Variants in CFAP97 observed in about 807,000 individuals in gnomAD.
CFAP97 encodes the protein cilia and flagella associated protein 97, also known as cilia- and flagella-associated protein 97.
CFAP97 carries 36 observed loss-of-function variants against 43.1 expected under a neutral mutation model. The observed-to-expected ratio is 0.84, with a 90% CI of 0.64 to 1.10. The LOEUF (loss-of-function observed/expected upper bound fraction) is 1.10, where lower values mean the gene tolerates loss of function less well. Among genes scored for constraint, CFAP97 ranks in the 50% least tolerant of loss-of-function variants. The pLI is 0.00. For missense variants in CFAP97, 657 were observed against 620.3 expected (o/e 1.06, Z -0.63); for synonymous variants, 228 against 225.7 (o/e 1.01, Z -0.09).
rs1171860464 is a variant in CFAP97 at position 185,190,509 on chromosome 4, T to C, written c.688A>G (p.Thr230Ala). 1 of 1,613,838 alleles carries C rather than the reference T, an allele frequency of 6.2e-7. No homozygotes were observed. Among genetic ancestry groups the C allele is most frequent in the African/African-American group, 1.3e-5 (1 of 74,924 alleles). Residue 230 changes from threonine to alanine, a missense_variant, in exon 2 of 5, where the codon ACA becomes GCA. Coordinates refer to ENST00000458385, the MANE Select transcript of CFAP97 (RefSeq NM_020827.3). ...KHKYKSGIKS[T>A]ETQPSSTTPK... Reference sequence around the variant, plus strand: ...GTAGTACTTGAAGGCTGTGTTTCTGTCGATTTTATTCCTGATTTATACTTG... The same window carrying C: ...GTAGTACTTGAAGGCTGTGTTTCTGCCGATTTTATTCCTGATTTATACTTG...
chr4:185,198,730 A>C (rs540920007), intron 1 of CFAP97, among the ~76,000 whole-genome samples: 2 of 145,204 alleles, frequency 1.4e-5, no homozygotes, highest in Non-Finnish European at 3.0e-5. Context: ...TGGAGGTTGC[A>C]GTAAGCCGAG....
At chr4:185,178,006 G>A (rs1344201521) in intron 2 of CFAP97, among the ~76,000 whole-genome samples, 1 of 151,950 alleles carries the variant, frequency 6.6e-6, no homozygotes, top group African/African-American at 2.4e-5. Context: ...TGGCTTCCTG[G>A]TAGGAAAATG....
chr4:185,209,719 C>G (rs1428409296), upstream of CFAP97: 2 of 983,922 alleles, frequency 2.0e-6, no homozygotes, highest in Non-Finnish European at 2.4e-6. The surrounding 1 kb of genome is among the most constrained non-coding windows in gnomAD (Gnocchi z 5.2). Context: ...GCCGCTCCCT[C>G]GGTGGGCCGC....
chr4:185,176,122 T>TTTTC, intron 2 of CFAP97, 71 bp from the exon 3 acceptor site: 3 of 1,227,852 alleles, frequency 2.4e-6, no homozygotes, highest in East Asian at 2.6e-5. Context: ...TTTTTTTTTT[T>TTTTC]CTCTTTTTAG....
At chr4:185,190,098 T>C (rs769007342) in intron 2 of CFAP97, 45 bp downstream of exon 2, 11 of 1,392,486 alleles carry the variant, frequency 7.9e-6, no homozygotes, top group Non-Finnish European at 9.7e-6. Context: ...TTATGCCCAA[T>C]ATATAATATT....
At position 185,170,231 on chromosome 4, in the gene CFAP97, A is replaced by G. The variant is rs1281059495; in HGVS notation, c.1320+5555T>C. The G allele has an allele frequency of 4.7e-6, 3 of 639,890 alleles. No homozygotes were observed. In the South Asian group the frequency reaches 5.3e-5, roughly 11 times the overall value. 39.6% of individuals were successfully genotyped at this position (639,890 alleles called of 1,614,324 possible). Reference sequence around the variant, plus strand: ...TGTGGTGGTGTAAGCCTGTAGTTCCAGTTACTTGGGAGGCCGAGGCAGGAG... The same window carrying G: ...TGTGGTGGTGTAAGCCTGTAGTTCCGGTTACTTGGGAGGCCGAGGCAGGAG... On this transcript the variant is annotated intron_variant, in intron 3 of 4. Transcript: ENST00000458385.
At chr4:185,205,940 A>G (rs1162825096), upstream of CFAP97, among the ~76,000 whole-genome samples, 2 of 152,230 alleles carry the variant, frequency 1.3e-5, no homozygotes, top group Non-Finnish European at 2.9e-5. Context: ...GATACTCAAC[A>G]CCACTAATTA....
chr4:185,163,926 T>C (rs1734967523), intron 4 of CFAP97, 103 bp downstream of exon 4: 1 of 1,015,558 alleles, frequency 9.8e-7, no homozygotes, highest in African/African-American at 1.6e-5. Flanking sequence ...CAGAACGCAT[T>C]CCAGAGTTGG....
intron 2 of CFAP97, among the ~76,000 whole-genome samples, chr4:185,188,347 A>AT (rs1267049610): frequency 1.5e-3 from 215 of 142,768 alleles, no homozygotes; most frequent in Middle Eastern, 7.5e-3. Flanking sequence ...ACATATATAC[A>AT]TTTTTTTTTT....
intron 3 of CFAP97, among the ~76,000 whole-genome samples, chr4:185,166,576 C>G (rs1411768925): frequency 6.6e-6 from 1 of 152,096 alleles, no homozygotes; most frequent in Admixed American, 6.5e-5. Context: ...AATTACAATA[C>G]TTATTCATCA....
In CFAP97 at chr4:185,160,972, AT is replaced by A. The variant is rs1440761872; in HGVS notation, c.*1825del. On this transcript the variant is annotated 3_prime_UTR_variant, in exon 5 of 5. Coordinates refer to ENST00000458385, the MANE Select transcript of CFAP97 (RefSeq NM_020827.3). ...TTTTTCTGGAACAACTTAAAAATCAATTTTAAAAAAACTGATTAATTCACTA... is the reference window on the plus strand; with the variant it reads ...TTTTTCTGGAACAACTTAAAAATCAATTTAAAAAAACTGATTAATTCACTA... 6.7e-6 allele frequency: 1 copy of A among 150,048 alleles called. No homozygotes were observed. The highest frequency in any genetic ancestry group is 2.4e-5 in the African/African-American group (1 of 41,142). The allele number at this position is 150,048 out of a possible 1,614,324, so 9.3% of individuals were successfully genotyped here. A position where few individuals can be genotyped will look rare whatever the true frequency, so the allele number is the denominator to read the frequency against.
chr4:185,189,433 T>C (rs564859097), intron 2 of CFAP97, among the ~76,000 whole-genome samples: 2 of 152,282 alleles, frequency 1.3e-5, no homozygotes, highest in South Asian at 4.1e-4. Flanking sequence ...AACTTTATCA[T>C]CAACGGACCT....
At position 185,162,865 on chromosome 4, in the gene CFAP97, A is replaced by T; in HGVS notation, c.1532T>A (p.Val511Asp). ...GLSCRSERSA[V>D]DPSSGHPRRR... is the part of the protein sequence containing the mutation. ...TCGAGGGTGGCCACTGGAGGGGTCA[A>T]CCGCTGATCGCTCACTCCTACAACT... is the stretch of plus-strand genomic sequence containing the variant. Residue 511 changes from valine to aspartate, a missense_variant, in exon 5 of 5, where the codon GTT becomes GAT. By Grantham distance (152) the Val-to-Asp change is radical. Coordinates refer to ENST00000458385, the MANE Select transcript of CFAP97 (RefSeq NM_020827.3). The T allele has an allele frequency of 6.2e-7, 1 of 1,612,298 alleles. No individual in the cohort carries two copies. The highest frequency in any genetic ancestry group is 1.3e-5 in the African/African-American group (1 of 75,032).
Position 185,160,306 on chromosome 4 carries a change from C to T in CFAP97, c.*2492G>A, listed in dbSNP as rs903457028. The T allele has an allele frequency of 2.0e-5, 3 of 151,950 alleles. No individual in the cohort carries two copies. Among genetic ancestry groups the T allele is most frequent in the African/African-American group, 7.3e-5 (3 of 41,376 alleles). The allele number at this position is 151,950 out of a possible 1,614,324, so 9.4% of individuals were successfully genotyped here. A position where few individuals can be genotyped will look rare whatever the true frequency, so the allele number is the denominator to read the frequency against. Reference sequence around the variant, plus strand: ...AGAATCTGGCCTAATAACCAGACCTCGGATTAGCATACTTTCTAGTTATAG... The same window carrying T: ...AGAATCTGGCCTAATAACCAGACCTTGGATTAGCATACTTTCTAGTTATAG... On this transcript the variant is annotated 3_prime_UTR_variant, in exon 5 of 5. Coordinates refer to ENST00000458385, the MANE Select transcript of CFAP97 (RefSeq NM_020827.3).
At chr4:185,163,030 A>G in intron 4 of CFAP97, 105 bp from the exon 5 acceptor site, 2 of 993,194 alleles carry the variant, frequency 2.0e-6, no homozygotes, top group Non-Finnish European at 2.7e-6. Context: ...TAATGCTATG[A>G]TTCTCGACTA....
At position 185,162,089 on chromosome 4, in the gene CFAP97, T is replaced by C. The variant is rs1734892929; in HGVS notation, c.*709A>G. On this transcript the variant is annotated 3_prime_UTR_variant, in exon 5 of 5. Transcript: ENST00000458385. ...TTTCTAAGAGTCATAAATAGGACTT[T>C]ACCTGAATGCATGAAAACACAAAAG... The C allele has an allele frequency of 6.6e-6, 1 of 152,250 alleles. No individual in the cohort carries two copies. The highest frequency in any genetic ancestry group is 2.1e-4 in the South Asian group (1 of 4,834). The allele number at this position is 152,250 out of a possible 1,614,324, so 9.4% of individuals were successfully genotyped here.
intron 2 of CFAP97, among the ~76,000 whole-genome samples, chr4:185,188,607 G>T (rs907177926): frequency 1.3e-5 from 2 of 152,154 alleles, no homozygotes; most frequent in Non-Finnish European, 2.9e-5. Flanking sequence ...GCCTCCAAAG[G>T]TGCTAGGATT....
At chr4:185,176,925 T>G (rs941965083) in intron 2 of CFAP97, among the ~76,000 whole-genome samples, 2 of 152,216 alleles carry the variant, frequency 1.3e-5, no homozygotes, top group African/African-American at 4.8e-5. Flanking sequence ...AAGTCAAACA[T>G]TTTATTCCTG....
At chr4:185,188,344 T>C (rs1488987690) in intron 2 of CFAP97, among the ~76,000 whole-genome samples, 2 of 151,148 alleles carry the variant, frequency 1.3e-5, no homozygotes, top group African/African-American at 2.4e-5. Context: ...TACACATATA[T>C]ACATTTTTTT....
Sources: gnomAD v4.1 joint callset for allele counts (sites outside exome capture counted in the v4.1 genomes callset) on GRCh38, gnomAD v4.1.1 for gene constraint, Gnocchi (gnomAD v3.1) non-coding constraint, MANE v1.5 for transcripts, NCBI Gene and HGNC (gene_info 2026-07-23, HGNC 2026-07-21) for gene names.